The following USP28 variants were observed in gnomAD, a reference collection of about 807,000 sequenced individuals.
The protein encoded by USP28 is ubiquitin carboxyl-terminal hydrolase 28.
A neutral mutation model predicts 145.0 loss-of-function variants in USP28; 113 were observed. The observed-to-expected ratio is 0.78, with a 90% confidence interval of 0.67 to 0.91. USP28 has a LOEUF of 0.91. Ranked by LOEUF, USP28 falls within the 40% of genes least tolerant of loss-of-function variation. USP28 has a pLI of 0.00. For synonymous variants in USP28, 447 were observed against 450.9 expected (o/e 0.99, Z 0.11); for missense variants, 1,201 against 1,289.6 (o/e 0.93, Z 1.05).
At position 113,843,509 on chromosome 11, in the gene USP28, T is replaced by C. The variant is rs73552985; in HGVS notation, c.269-1741A>G. 9.6e-3 allele frequency among the ~76,000 whole-genome samples: 1,453 copies of C among 151,142 alleles called. 23 individuals are homozygous for C. The highest frequency in any genetic ancestry group is 0.032 in the African/African-American group (1,317 of 41,178). ...CAACAAGGATAAACCCCCTCTCTAC[T>C]TAAAATACAAAATTAGCCAGGCGCG... On this transcript the variant is annotated intron_variant, in intron 3 of 24. Coordinates refer to ENST00000003302, the Ensembl canonical transcript of USP28.
At chr11:113,842,958 T>C (rs1387435028) in intron 3 of USP28, among the ~76,000 whole-genome samples, 1 of 152,106 alleles carries the variant, frequency 6.6e-6, no homozygotes, top group African/African-American at 2.4e-5. Context: ...CTTTTGGGCA[T>C]GGTGGCTCAC....
intron 21 of USP28, 126 bp from the exon 23 acceptor site, chr11:113,804,003 C>T (rs1254508718): frequency 2.7e-6 from 2 of 747,318 alleles, no homozygotes; most frequent in East Asian, 5.6e-5. Flanking sequence ...AAATAACAAA[C>T]AAAAGCTTTC....
intron 1 of USP28, among the ~76,000 whole-genome samples, chr11:113,856,787 A>T (rs1352147553): frequency 6.6e-6 from 1 of 152,132 alleles, no homozygotes; most frequent in East Asian, 1.9e-4. Flanking sequence ...ATCTCGGCTC[A>T]CTGCAACCTC....
At chr11:113,809,042 C>T in intron 17 of USP28, 21 bp downstream of exon 17, 1 of 1,606,566 alleles carries the variant, frequency 6.2e-7, no homozygotes, top group Non-Finnish European at 8.5e-7. Context: ...GGATCACTGG[C>T]ATAAATGCCT....
intron 22 of USP28, 113 bp from the exon 24 acceptor site, chr11:113,803,394 G>A: frequency 7.9e-7 from 1 of 1,258,010 alleles, no homozygotes; most frequent in Non-Finnish European, 1.1e-6. Flanking sequence ...CTGAAAAAGT[G>A]AAGGACCAAA....
chr11:113,820,599 C>T (rs963319765), intron 12 of USP28, among the ~76,000 whole-genome samples: 2 of 152,114 alleles, frequency 1.3e-5, no homozygotes, highest in African/African-American at 2.4e-5. Flanking sequence ...AGGGATAGCA[C>T]CATGAAAGAG....
intron 19 of USP28, 120 bp downstream of exon 20, chr11:113,806,369 G>T: frequency 1.3e-6 from 1 of 755,390 alleles, no homozygotes; most frequent in Non-Finnish European, 2.1e-6. Context: ...GAGTAGCTGG[G>T]ACTACATGCA....
intron 1 of USP28, among the ~76,000 whole-genome samples, chr11:113,861,844 G>T (rs1947729278): frequency 6.6e-6 from 1 of 152,052 alleles, no homozygotes; most frequent in South Asian, 2.1e-4. Context: ...TGAGAAATGA[G>T]GCTGACAAAC....
chr11:113,821,833 C>G (rs1942645802), intron 12 of USP28: 1 of 159,458 alleles, frequency 6.3e-6, no homozygotes. Context: ...TTTCTAATGC[C>G]TTTTTGGGAG....
At chr11:113,864,346 A>G (rs1220949750) in intron 1 of USP28, among the ~76,000 whole-genome samples, 1 of 152,224 alleles carries the variant, frequency 6.6e-6, no homozygotes, top group African/African-American at 2.4e-5. Flanking sequence ...TTCCCCAGAG[A>G]AACAGAAGCA....
At chr11:113,805,072 G>A (rs1277267891) in intron 19 of USP28, 26 bp from the exon 21 acceptor site, 7 of 1,609,326 alleles carry the variant, frequency 4.3e-6, no homozygotes, top group Non-Finnish European at 5.9e-6. Context: ...TCAATGGTTA[G>A]AAAATAGTGT....
chr11:113,847,385 T>C (rs1405912241), intron 3 of USP28, among the ~76,000 whole-genome samples: 2 of 129,582 alleles, frequency 1.5e-5, no homozygotes, highest in African/African-American at 6.0e-5. Flanking sequence ...AACTCCAGAA[T>C]GTGTGAAAAC....
At chr11:113,821,173 G>A in intron 12 of USP28, 1 of 224,178 alleles carries the variant, frequency 4.5e-6, no homozygotes, top group South Asian at 7.9e-5. Flanking sequence ...TATATGCCAT[G>A]AGCAATCTTG....
intron 11 of USP28, among the ~76,000 whole-genome samples, chr11:113,826,344 T>G (rs1371070148): frequency 7.8e-6 from 1 of 128,264 alleles, no homozygotes; most frequent in African/African-American, 2.9e-5. Context: ...CCCATTTTTT[T>G]TTTTTTTTTT....
intron 11 of USP28, among the ~76,000 whole-genome samples, chr11:113,826,294 A>AAAAAAAG (rs755900735): frequency 2.1e-5 from 3 of 143,776 alleles, no homozygotes; most frequent in Non-Finnish European, 4.6e-5. Context: ...AAAAAAAAAA[A>AAAAAAAG]AAAGAAAGAA....
rs182303473 is a variant in USP28, at chr11:113,844,833, G to A, written c.269-3065C>T. On this transcript the variant is annotated intron_variant, in intron 3 of 24. Transcript: ENST00000003302. ...TAAGATGGTGCAACTGGCCAGGTGCGGTGGCTCACGCCTGTAATCCCAGCA... is the reference window on the plus strand; with the variant it reads ...TAAGATGGTGCAACTGGCCAGGTGCAGTGGCTCACGCCTGTAATCCCAGCA... 9.2e-5 allele frequency among the ~76,000 whole-genome samples: 14 copies of A among 152,200 alleles called. No homozygotes were observed. The East Asian group carries it at 1.4e-3, about 15-fold the overall frequency.
At chr11:113,873,316 C>A (rs1949011805) in intron 1 of USP28, among the ~76,000 whole-genome samples, 1 of 152,200 alleles carries the variant, frequency 6.6e-6, no homozygotes, top group Admixed American at 6.5e-5. Flanking sequence ...CCAAGCTTAT[C>A]AGCTTTCCGT....
intron 1 of USP28, among the ~76,000 whole-genome samples, chr11:113,863,129 T>A (rs1482353516): frequency 1.3e-5 from 2 of 152,128 alleles, no homozygotes; most frequent in African/African-American, 4.8e-5. Context: ...TGATCCTATA[T>A]ATACAAAATC....
At chr11:113,868,630 GAA>G (rs536699738) in intron 1 of USP28, among the ~76,000 whole-genome samples, 359 of 151,926 alleles carry the variant, frequency 2.4e-3, no homozygotes, top group Non-Finnish European at 4.5e-3. Flanking sequence ...TACGAATAAA[GAA>G]AAAAAGAGAT....
Sources: allele counts gnomAD v4.1 joint callset (sites outside exome capture counted in the v4.1 genomes callset), GRCh38; gene constraint gnomAD v4.1.1; transcripts MANE v1.5; gene names NCBI Gene and HGNC (gene_info 2026-07-23, HGNC 2026-07-21).